Variants in ABCC4 observed in about 807,000 individuals in gnomAD.
ABCC4 encodes the protein ATP binding cassette subfamily C member 4 (PEL blood group).
A neutral mutation model predicts 168.5 loss-of-function variants in ABCC4; 102 were observed. That is an observed-to-expected ratio of 0.61 (90% CI 0.52 to 0.71). The LOEUF (loss-of-function observed/expected upper bound fraction) is 0.71. Ranked by LOEUF, ABCC4 falls within the 30% of genes least tolerant of loss-of-function variation. The pLI, the probability that ABCC4 is intolerant of heterozygous loss-of-function variation, is 0.00. For synonymous variants in ABCC4, 617 were observed against 590.7 expected, an observed-to-expected ratio of 1.04 and a Z score of -0.65; for missense variants, 1,402 against 1,605.8, an observed-to-expected ratio of 0.87 and a Z score of 2.17.
chr13:95,059,184 T>A (rs1028341617), intron 26 of ABCC4, among the ~76,000 whole-genome samples: 3 of 152,186 alleles, frequency 2.0e-5, no homozygotes, highest in Non-Finnish European at 4.4e-5. Context: ...GAACTCAGGA[T>A]CTGGCATTGA....
chr13:95,128,038 G>A, intron 19 of ABCC4, among the ~76,000 whole-genome samples: 1 of 152,160 alleles, frequency 6.6e-6, no homozygotes, highest in East Asian at 1.9e-4. Flanking sequence ...TTGATCCTCA[G>A]GGATCTTCTG....
chr13:95,273,997 C>T (rs2040910868), intron 1 of ABCC4, among the ~76,000 whole-genome samples: 1 of 152,048 alleles, frequency 6.6e-6, no homozygotes, highest in Admixed American at 6.6e-5. Context: ...GTGACTTTCT[C>T]CTCCGTGCCT....
intron 20 of ABCC4, among the ~76,000 whole-genome samples, chr13:95,086,684 A>G (rs372052794): frequency 7.2e-5 from 11 of 152,340 alleles, no homozygotes; most frequent in African/African-American, 2.6e-4. Context: ...CATGTTTTCT[A>G]TAAACAGCAG....
chr13:95,275,768 A>G (rs1395164261), intron 1 of ABCC4, among the ~76,000 whole-genome samples: 1 of 142,290 alleles, frequency 7.0e-6, no homozygotes, highest in Non-Finnish European at 1.6e-5. Context: ...AAAAAAATCA[A>G]GTAACAAAGA....
intron 11 of ABCC4, among the ~76,000 whole-genome samples, chr13:95,183,075 CTTT>C (rs4148491): frequency 4.8e-5 from 6 of 124,444 alleles, no homozygotes; most frequent in Admixed American, 1.7e-4. Context: ...TCCTCTAGGA[CTTT>C]TTTTTTTTTT....
rs1377372653 is a variant in ABCC4 at position 95,181,155 on chromosome 13, CA to C, written c.1546-3065del. On this transcript the variant is annotated intron_variant, in intron 11 of 30. Coordinates refer to ENST00000645237, the MANE Select transcript of ABCC4 (RefSeq NM_005845.5). ...ACCACCACCTTTACTGAAATGCAGA[CA>C]CAGAAACTAGAGAAAAACCATGACG... Among the ~76,000 whole-genome samples, 6 of 152,202 alleles carry C rather than the reference CA, an allele frequency of 3.9e-5. No homozygotes were observed. The South Asian group carries it at 8.3e-4, about 21-fold the overall frequency.
At chr13:95,296,738 G>A (rs1325317879) in intron 1 of ABCC4, among the ~76,000 whole-genome samples, 1 of 152,158 alleles carries the variant, frequency 6.6e-6, no homozygotes, top group African/African-American at 2.4e-5. Context: ...TGCCTGCCGG[G>A]CACCAGGGGG....
chr13:95,301,151 G>A (rs61974974), intron 1 of ABCC4, 90 bp downstream of exon 1: 733,711 of 1,242,876 alleles, frequency 0.59, 221,026 homozygotes, highest in South Asian at 0.62. Context: ...CAGCCGCAGA[G>A]GGCTTGGGCA....
At chr13:95,166,130 G>T in intron 15 of ABCC4, 28 bp downstream of exon 15, 1 of 1,584,182 alleles carries the variant, frequency 6.3e-7, no homozygotes. Flanking sequence ...ACAAAACCAG[G>T]CCATGTTGTA....
intron 9 of ABCC4, among the ~76,000 whole-genome samples, chr13:95,193,578 T>A (rs1228923983): frequency 6.6e-6 from 1 of 152,246 alleles, no homozygotes; most frequent in African/African-American, 2.4e-5. Context: ...CCATGCTGTG[T>A]GTTCTGTTTT....
chr13:95,190,096 A>T (rs1342422569), intron 9 of ABCC4, among the ~76,000 whole-genome samples: 1 of 152,178 alleles, frequency 6.6e-6, no homozygotes, highest in Non-Finnish European at 1.5e-5. Context: ...TGTAATCCCA[A>T]CATTTTGGGA....
chr13:95,062,994 C>T (rs2139288493), intron 25 of ABCC4, 135 bp from the exon 26 acceptor site: 1 of 1,041,360 alleles, frequency 9.6e-7, no homozygotes, highest in East Asian at 2.6e-5. Flanking sequence ...TAAGAGTTTC[C>T]CAACCTCAGC....
chr13:95,100,802 T>C (rs1168944811), intron 20 of ABCC4, among the ~76,000 whole-genome samples: 1 of 152,210 alleles, frequency 6.6e-6, no homozygotes. Flanking sequence ...ATCTTTCAAA[T>C]GACGGCAAGG....
rs1246858997 is a variant in ABCC4 at position 95,117,774 on chromosome 13, C to T, written c.2456-1773G>A. 2.7e-5 allele frequency among the ~76,000 whole-genome samples: 4 copies of T among 146,720 alleles called. No individual in the cohort carries two copies. In the East Asian group the frequency reaches 7.9e-4, roughly 29 times the overall value. On this transcript the variant is annotated intron_variant, in intron 19 of 30. Coordinates refer to ENST00000645237, the MANE Select transcript of ABCC4 (RefSeq NM_005845.5). ...CTTTTAAAAAGTTGAAAGCAATATT[C>T]AAATTAAAAAAAAAAAAAAGATAGG...
intron 27 of ABCC4, among the ~76,000 whole-genome samples, chr13:95,051,932 T>C (rs1156466312): frequency 6.6e-6 from 1 of 152,220 alleles, no homozygotes; most frequent in African/African-American, 2.4e-5. Flanking sequence ...CCCAAAGTGC[T>C]GGGATTACAG....
rs573308408 is a variant in ABCC4 at position 95,028,661 on chromosome 13, CAAG to C, written c.3870+5941_3870+5943del. Among the ~76,000 whole-genome samples, 19 of 151,912 alleles carry C rather than the reference CAAG, an allele frequency of 1.3e-4. No homozygotes were observed. In the South Asian group the frequency reaches 4.0e-3, roughly 32 times the overall value. ...AAGAAAGAATGGACACAAATGCATTCAAGAAGAAGCAACGAGAAAAACCAAAAA... is the reference window on the plus strand; with the variant it reads ...AAGAAAGAATGGACACAAATGCATTCAAGAAGCAACGAGAAAAACCAAAAA... On this transcript the variant is annotated intron_variant, in intron 30 of 30. Coordinates refer to ENST00000645237, the MANE Select transcript of ABCC4 (RefSeq NM_005845.5).
chr13:95,085,894 A>C (rs1246201449), intron 20 of ABCC4, among the ~76,000 whole-genome samples: 2 of 152,230 alleles, frequency 1.3e-5, no homozygotes, highest in East Asian at 3.8e-4. Context: ...CACAGGAGGA[A>C]ACTGAGTCTC....
intron 25 of ABCC4, among the ~76,000 whole-genome samples, chr13:95,070,328 A>G (rs902781123): frequency 4.6e-5 from 7 of 152,158 alleles, no homozygotes; most frequent in Non-Finnish European, 1.0e-4. Context: ...GTGCACACTA[A>G]GAGCAAGGCA....
chr13:95,199,419 C>G (rs1201411336), intron 8 of ABCC4, among the ~76,000 whole-genome samples: 1 of 152,210 alleles, frequency 6.6e-6, no homozygotes, highest in African/African-American at 2.4e-5. Context: ...ACCAGGCAGA[C>G]CCCATCAGTG....
Sources: allele counts gnomAD v4.1 joint callset (sites outside exome capture counted in the v4.1 genomes callset), GRCh38; gene constraint gnomAD v4.1.1; transcripts MANE v1.5; gene names NCBI Gene and HGNC (gene_info 2026-07-23, HGNC 2026-07-21).